The following SORD variants were observed in gnomAD, a reference collection of about 807,000 sequenced individuals.
SORD encodes (R,R)-butanediol dehydrogenase.
In SORD, 18 loss-of-function variants were observed where a neutral mutation model predicts 35.6. The ratio of observed to expected loss-of-function variants is 0.51; its 90% CI spans 0.35 to 0.75. SORD has a LOEUF of 0.75. Ranked by LOEUF, SORD falls within the 30% of genes least tolerant of loss-of-function variation. The pLI is 0.01. For synonymous variants in SORD, 106 were observed against 152.9 expected, an observed-to-expected ratio of 0.69 and a Z score of 2.26; for missense variants, 250 against 390.2, an observed-to-expected ratio of 0.64 and a Z score of 3.03.
rs781332911 is a variant in SORD at position 45,068,215 on chromosome 15, A to G, written c.579A>G (p.Lys193=). 4.5e-5 allele frequency: 73 copies of G among 1,613,578 alleles called. 1 individual carries two copies. The highest frequency in any genetic ancestry group is 2.0e-4 in the East Asian group (9 of 44,900). The change falls in exon 6 of 9, where the codon AAA becomes AAG. Residue 193 remains lysine, a synonymous_variant. Coordinates refer to ENST00000267814, the MANE Select transcript of SORD (RefSeq NM_003104.6). ...GGATGGTCACTTTGCTCGTGGCCAA[A>G]GCAATGGGAGCAGCTCAAGTAGTGG... ...PIGMVTLLVA[K]AMGAAQVVVT... is the part of the protein sequence containing the mutation.
chr15:45,062,135 C>G (rs559383361), intron 4 of SORD, among the ~76,000 whole-genome samples: 1 of 151,254 alleles, frequency 6.6e-6, no homozygotes, highest in Admixed American at 6.6e-5. Context: ...AAGTGGTTTG[C>G]ATGCTTCAAT....
chr15:45,069,133 A>G, intron 7 of SORD, 81 bp downstream of exon 7: 1 of 1,049,662 alleles, frequency 9.5e-7, no homozygotes, highest in Non-Finnish European at 1.3e-6. Context: ...CTTCTTTACC[A>G]GCTTGCTGCG....
intron 1 of SORD, among the ~76,000 whole-genome samples, chr15:45,036,683 A>C (rs1052707164): frequency 1.3e-5 from 2 of 152,196 alleles, no homozygotes; most frequent in African/African-American, 4.8e-5. Context: ...GCCTGAGTGC[A>C]GTGACATCTG....
At chr15:45,034,648 G>C (rs1892831553) in intron 1 of SORD, among the ~76,000 whole-genome samples, 1 of 152,260 alleles carries the variant, frequency 6.6e-6, no homozygotes, top group Non-Finnish European at 1.5e-5. Flanking sequence ...GAAGGGGATA[G>C]AAGGTGAGAG....
chr15:45,050,491 A>T (rs1342857266), intron 3 of SORD: 1 of 152,202 alleles, frequency 6.6e-6, no homozygotes, highest in Non-Finnish European at 1.5e-5. Context: ...TTAGAAAGTG[A>T]CATTCTTTAC....
intron 5 of SORD, 62 bp downstream of exon 5, chr15:45,065,451 C>G (rs1322868282): frequency 6.5e-7 from 1 of 1,537,562 alleles, no homozygotes; most frequent in African/African-American, 1.4e-5. Flanking sequence ...AACCCTCTGC[C>G]CATCTCATTC....
chr15:45,061,374 T>C (rs1039146399), intron 4 of SORD, 148 bp downstream of exon 4: 5 of 840,270 alleles, frequency 6.0e-6, no homozygotes, highest in South Asian at 5.3e-5. Context: ...CTTGGTGGCA[T>C]TGAGAGAGGG....
chr15:45,032,718 C>T (rs1892805815), intron 1 of SORD, among the ~76,000 whole-genome samples: 2 of 152,170 alleles, frequency 1.3e-5, no homozygotes, highest in African/African-American at 4.8e-5. Flanking sequence ...GAGACCAGCT[C>T]ACTGGACCTT....
At chr15:45,058,897 A>G (rs1893258343) in intron 3 of SORD, among the ~76,000 whole-genome samples, 2 of 152,220 alleles carry the variant, frequency 1.3e-5, no homozygotes, top group Non-Finnish European at 1.5e-5. Flanking sequence ...GCAAGCACAG[A>G]GTGCAGCTTC....
chr15:45,038,905 T>G (rs996290675), intron 1 of SORD, among the ~76,000 whole-genome samples: 19 of 152,150 alleles, frequency 1.2e-4, no homozygotes, highest in African/African-American at 4.6e-4. Context: ...TTGTTTGGCA[T>G]CTCTTTGCAC....
At chr15:45,066,788 A>C in intron 5 of SORD, among the ~76,000 whole-genome samples, 1 of 152,182 alleles carries the variant, frequency 6.6e-6, no homozygotes. Context: ...TGGATGTAGA[A>C]TAGACTTGCC....
Position 45,023,311 on chromosome 15 carries a change from C to T in SORD, c.28C>T (p.Leu10Phe). 2 of 1,592,246 alleles carry T rather than the reference C, an allele frequency of 1.3e-6. No individual in the cohort carries two copies. Among genetic ancestry groups the T allele is most frequent in the South Asian group, 1.1e-5 (1 of 87,388 alleles). MAAAAKPNNLSLVVHGPGDL... is the reference protein window; with the variant it reads MAAAAKPNNFSLVVHGPGDL... ...GGCGGCGGCGGCCAAGCCCAACAAC[C>T]TTTCCCTGGTGGTGCACGGACCGGG... The change falls in exon 1 of 9, where the codon CTT becomes TTT. Residue 10 changes from leucine to phenylalanine, a missense_variant. By Grantham distance (22) the Leu-to-Phe change is conservative (BLOSUM62 0). Transcript: ENST00000267814.
chr15:45,052,273 C>T (rs1893137304), intron 3 of SORD, among the ~76,000 whole-genome samples: 1 of 152,160 alleles, frequency 6.6e-6, no homozygotes, highest in Non-Finnish European at 1.5e-5. Flanking sequence ...GAACAGGTGC[C>T]TCAAACATAA....
At chr15:45,064,095 T>G (rs1438644892) in intron 4 of SORD, among the ~76,000 whole-genome samples, 1 of 149,166 alleles carries the variant, frequency 6.7e-6, no homozygotes, top group Non-Finnish European at 1.5e-5. Flanking sequence ...CACATTTATT[T>G]CTTTTTGGAA....
chr15:45,062,239 A>G (rs1424723913), intron 4 of SORD, among the ~76,000 whole-genome samples: 1 of 152,242 alleles, frequency 6.6e-6, no homozygotes, highest in Non-Finnish European at 1.5e-5. Flanking sequence ...ACAGAGCACA[A>G]CCAAGAGTCA....
At chr15:45,064,145 T>C (rs1308253860) in intron 4 of SORD, among the ~76,000 whole-genome samples, 2 of 150,086 alleles carry the variant, frequency 1.3e-5, no homozygotes, top group South Asian at 2.2e-4. Flanking sequence ...AGATTTGGGG[T>C]GCTGGGTAAA....
chr15:45,046,055 T>C (rs560836563), intron 3 of SORD, among the ~76,000 whole-genome samples: 5 of 152,010 alleles, frequency 3.3e-5, no homozygotes, highest in Non-Finnish European at 7.4e-5. Flanking sequence ...TGAAATGTCA[T>C]GTTATCATAA....
At chr15:45,027,435 A>G (rs907035727) in intron 1 of SORD, among the ~76,000 whole-genome samples, 2 of 152,278 alleles carry the variant, frequency 1.3e-5, no homozygotes, top group Admixed American at 1.3e-4. Flanking sequence ...ATGAGGATTC[A>G]GTGGAACCAA....
chr15:45,041,287 C>A (rs563514478), intron 2 of SORD, among the ~76,000 whole-genome samples: 1 of 152,162 alleles, frequency 6.6e-6, no homozygotes, highest in East Asian at 1.9e-4. Flanking sequence ...CCCTCCCATC[C>A]CTGGAATTCC....
Sources: allele counts gnomAD v4.1 joint callset (sites outside exome capture counted in the v4.1 genomes callset), GRCh38; gene constraint gnomAD v4.1.1; transcripts MANE v1.5; gene names NCBI Gene and HGNC (gene_info 2026-07-23, HGNC 2026-07-21).